CHST9: variants seen among roughly 807,000 people sequenced by gnomAD.
CHST9 encodes GalNAc-4-sulfotransferase 2.
A neutral mutation model predicts 44.4 loss-of-function variants in CHST9; 41 were observed. The observed-to-expected ratio is 0.92, with a 90% CI of 0.72 to 1.20. The LOEUF (loss-of-function observed/expected upper bound fraction) is 1.20. Among genes scored for constraint, CHST9 ranks in the 50% most tolerant of loss-of-function variants. The probability of loss-of-function intolerance (pLI) is 0.00; values close to 1 mark genes in which losing one functional copy is unlikely to be tolerated. For synonymous variants in CHST9, 171 were observed against 178.4 expected (o/e 0.96, Z 0.33); for missense variants, 504 against 516.5 (o/e 0.98, Z 0.23).
intron 4 of CHST9, among the ~76,000 whole-genome samples, chr18:27,015,990 C>T (rs1039947073): frequency 1.3e-5 from 2 of 152,180 alleles, no homozygotes; most frequent in African/African-American, 4.8e-5. Flanking sequence ...AATTCAAACC[C>T]ACTTGGTGAG....
At chr18:27,123,566 T>G (rs2058393822) in intron 2 of CHST9, among the ~76,000 whole-genome samples, 1 of 152,152 alleles carries the variant, frequency 6.6e-6, no homozygotes, top group African/African-American at 2.4e-5. Context: ...AAGAGAAGTC[T>G]GGGGAGGGCT....
intron 2 of CHST9, among the ~76,000 whole-genome samples, chr18:27,121,125 C>T (rs1326230693): frequency 6.6e-6 from 1 of 152,200 alleles, no homozygotes; most frequent in African/African-American, 2.4e-5. Context: ...GCCTCAGGCT[C>T]TCCAGCAGCT....
intron 2 of CHST9, among the ~76,000 whole-genome samples, chr18:27,110,087 A>G (rs2058257283): frequency 6.6e-6 from 1 of 151,580 alleles, no homozygotes; most frequent in African/African-American, 2.4e-5. Flanking sequence ...AAATCCTACT[A>G]TAAAAGTGTA....
chr18:27,047,052 T>A (rs552959906), intron 3 of CHST9, among the ~76,000 whole-genome samples: 12 of 152,132 alleles, frequency 7.9e-5, no homozygotes, highest in Admixed American at 2.6e-4. Context: ...AAAAGAAACG[T>A]TAGCATGGTG....
At chr18:27,021,756 A>T (rs564562857) in intron 4 of CHST9, among the ~76,000 whole-genome samples, 8 of 152,342 alleles carry the variant, frequency 5.3e-5, no homozygotes, top group African/African-American at 1.9e-4. Flanking sequence ...GGTGGATACC[A>T]TATCTTTAAT....
chr18:27,098,187 C>T (rs530649156), intron 2 of CHST9, among the ~76,000 whole-genome samples: 3 of 150,360 alleles, frequency 2.0e-5, no homozygotes, highest in East Asian at 2.0e-4. Flanking sequence ...ATTTATGTGG[C>T]GAAAAAACAT....
At chr18:27,174,233 C>G (rs2058851885) in intron 1 of CHST9, among the ~76,000 whole-genome samples, 1 of 151,818 alleles carries the variant, frequency 6.6e-6, no homozygotes, top group South Asian at 2.1e-4. Flanking sequence ...CTCCTAGTCT[C>G]CTTTAATCCT....
At chr18:27,119,227 A>C (rs1325119152) in intron 2 of CHST9, among the ~76,000 whole-genome samples, 4 of 152,192 alleles carry the variant, frequency 2.6e-5, no homozygotes, top group Non-Finnish European at 4.4e-5. Flanking sequence ...TTAATTAATA[A>C]TGTGTTCTTA....
At chr18:26,932,476 A>G (rs1340736680) in intron 5 of CHST9, among the ~76,000 whole-genome samples, 1 of 151,900 alleles carries the variant, frequency 6.6e-6, no homozygotes, top group African/African-American at 2.4e-5. Context: ...AAATCTTGGC[A>G]CTTCCACAGC....
chr18:27,141,569 C>T (rs543884113), intron 2 of CHST9, among the ~76,000 whole-genome samples: 2 of 107,456 alleles, frequency 1.9e-5, no homozygotes, highest in African/African-American at 3.8e-5. Context: ...CCAGCCTGGG[C>T]GACAGGAGTA....
chr18:27,131,279 G>T (rs2058469513), intron 2 of CHST9, among the ~76,000 whole-genome samples: 1 of 152,200 alleles, frequency 6.6e-6, no homozygotes, highest in African/African-American at 2.4e-5. Flanking sequence ...GCCAAGCGTG[G>T]TGGCGCACGC....
At chr18:26,995,392 C>A (rs936200349) in intron 4 of CHST9, among the ~76,000 whole-genome samples, 1 of 147,430 alleles carries the variant, frequency 6.8e-6, no homozygotes, top group Non-Finnish European at 1.5e-5. Flanking sequence ...GAGCCAAGAT[C>A]GCGCCACTAC....
At chr18:27,076,495 AG>A (rs760424797) in intron 2 of CHST9, among the ~76,000 whole-genome samples, 2 of 152,126 alleles carry the variant, frequency 1.3e-5, no homozygotes, top group Non-Finnish European at 2.9e-5. Context: ...ATCCTGGTAT[AG>A]GTGTGGGCCA....
chr18:27,016,591 C>T (rs1299839891), intron 4 of CHST9, among the ~76,000 whole-genome samples: 2 of 152,190 alleles, frequency 1.3e-5, no homozygotes, highest in African/African-American at 4.8e-5. Context: ...TGGACGTTTG[C>T]TCACCACTGT....
chr18:26,977,833 G>A (rs1024620797), intron 4 of CHST9, among the ~76,000 whole-genome samples: 1 of 152,052 alleles, frequency 6.6e-6, no homozygotes, highest in Admixed American at 6.6e-5. Context: ...TATATGCAGG[G>A]TGTCCAACAT....
rs147196734 is a variant in CHST9, at chr18:26,989,718, C to G, written c.202+34398G>C. On this transcript the variant is annotated intron_variant, in intron 4 of 5. Transcript: ENST00000618847. ...TGGTGGCTCATGCCTGTAATCCCAG[C>G]ACTTTTGGATTGCTTGAGGCCAGGA... Among the ~76,000 whole-genome samples, 171 of 152,286 alleles carry G rather than the reference C, an allele frequency of 1.1e-3. 3 individuals are homozygous for G. In the East Asian group the frequency reaches 0.027, roughly 24 times the overall value.
chr18:26,964,151 G>C (rs1185452539), intron 4 of CHST9, among the ~76,000 whole-genome samples: 2 of 152,220 alleles, frequency 1.3e-5, no homozygotes, highest in East Asian at 3.9e-4. Flanking sequence ...ACGTTCTAAT[G>C]CTTTATAAAA....
intron 2 of CHST9, among the ~76,000 whole-genome samples, chr18:27,097,452 A>G (rs2058128242): frequency 6.6e-6 from 1 of 152,062 alleles, no homozygotes; most frequent in South Asian, 2.1e-4. Flanking sequence ...AAGAAATCCA[A>G]CTATCTCTCT....
At chr18:27,114,181 T>C (rs1317235669) in intron 2 of CHST9, among the ~76,000 whole-genome samples, 3 of 152,186 alleles carry the variant, frequency 2.0e-5, no homozygotes, top group Non-Finnish European at 1.5e-5. Flanking sequence ...ATGCACTAGG[T>C]GATGTTTTAT....
Sources: gnomAD v4.1 joint callset for allele counts (sites outside exome capture counted in the v4.1 genomes callset) on GRCh38, gnomAD v4.1.1 for gene constraint, MANE v1.5 for transcripts, NCBI Gene and HGNC (gene_info 2026-07-23, HGNC 2026-07-21) for gene names.